Variants in C7orf78 observed in about 807,000 individuals in gnomAD.
C7orf78 encodes the protein chromosome 7 open reading frame 78.
chr7:12,488,322 T>A, the C7orf78 span, among the ~76,000 whole-genome samples: 54 of 152,156 alleles, frequency 3.5e-4, no homozygotes, highest in Non-Finnish European at 6.3e-4. Flanking sequence ...ATTTCCTATA[T>A]CTGAGAAAGA....
chr7:12,540,331 G>A, the C7orf78 span, among the ~76,000 whole-genome samples: 13 of 152,310 alleles, frequency 8.5e-5, no homozygotes, highest in East Asian at 2.1e-3. Flanking sequence ...CCCTACTGGT[G>A]CTAATACAGA....
At chr7:12,506,809 G>A in the C7orf78 span, 1 of 388,938 alleles carries the variant, frequency 2.6e-6, no homozygotes. Flanking sequence ...GGACAGAGAT[G>A]ACTACTGCAC....
the C7orf78 span, among the ~76,000 whole-genome samples, chr7:12,537,365 C>T: frequency 6.6e-6 from 1 of 152,158 alleles, no homozygotes; most frequent in African/African-American, 2.4e-5. Context: ...GAAAAACCTG[C>T]CCCCAGAATT....
At chr7:12,484,092 G>T in the C7orf78 span, 2 of 152,094 alleles carry the variant, frequency 1.3e-5, no homozygotes, top group African/African-American at 4.8e-5. Flanking sequence ...TTGAAAATAA[G>T]CTCTGAAAAA....
At chr7:12,484,665 G>A in the C7orf78 span, among the ~76,000 whole-genome samples, 1 of 152,132 alleles carries the variant, frequency 6.6e-6, no homozygotes, top group African/African-American at 2.4e-5. Context: ...CATGCATGCT[G>A]TCATGGCATG....
chr7:12,534,707 C>T, the C7orf78 span, among the ~76,000 whole-genome samples: 1 of 152,268 alleles, frequency 6.6e-6, no homozygotes, highest in African/African-American at 2.4e-5. Context: ...ATAATTCCAA[C>T]ACTGGTAAGC....
the C7orf78 span, among the ~76,000 whole-genome samples, chr7:12,488,333 G>C: frequency 6.6e-6 from 1 of 151,978 alleles, no homozygotes; most frequent in South Asian, 2.1e-4. Context: ...CTGAGAAAGA[G>C]CTCTTCATTA....
At chr7:12,514,645 A>G in the C7orf78 span, among the ~76,000 whole-genome samples, 1 of 151,878 alleles carries the variant, frequency 6.6e-6, no homozygotes, top group East Asian at 1.9e-4. Context: ...TTATTTGCCC[A>G]TAGGGTCTTG....
the C7orf78 span, among the ~76,000 whole-genome samples, chr7:12,504,036 A>T: frequency 6.6e-6 from 1 of 152,214 alleles, no homozygotes; most frequent in Non-Finnish European, 1.5e-5. Flanking sequence ...TGTTTTAAAA[A>T]ATGTCCTTTG....
chr7:12,486,765 G>A, the C7orf78 span, among the ~76,000 whole-genome samples: 1 of 151,870 alleles, frequency 6.6e-6, no homozygotes, highest in South Asian at 2.1e-4. Flanking sequence ...ATTATGTTCT[G>A]CATATCGGAT....
the C7orf78 span, among the ~76,000 whole-genome samples, chr7:12,516,254 G>A: frequency 6.6e-6 from 1 of 152,342 alleles, no homozygotes; most frequent in African/African-American, 2.4e-5. Flanking sequence ...CTTGGGCAAT[G>A]GCTTCAGAGG....
chr7:12,509,011 A>C, the C7orf78 span, among the ~76,000 whole-genome samples: 1 of 152,210 alleles, frequency 6.6e-6, no homozygotes, highest in Non-Finnish European at 1.5e-5. Flanking sequence ...AATAAAGTGC[A>C]CAGTAAGTGT....
the C7orf78 span, among the ~76,000 whole-genome samples, chr7:12,500,989 A>G: frequency 2.0e-5 from 3 of 151,840 alleles, no homozygotes; most frequent in Admixed American, 2.0e-4. Flanking sequence ...CCACATGGTT[A>G]TCTCAATAGA....
the C7orf78 span, among the ~76,000 whole-genome samples, chr7:12,526,916 G>T: frequency 6.6e-6 from 1 of 152,188 alleles, no homozygotes; most frequent in South Asian, 2.1e-4. Context: ...CCGTCTAGCT[G>T]TGTAACTGAA....
chr7:12,534,335 A>G, the C7orf78 span, among the ~76,000 whole-genome samples: 12 of 152,234 alleles, frequency 7.9e-5, no homozygotes, highest in Admixed American at 7.9e-4. Flanking sequence ...TCTATTTCAC[A>G]TCGTGCATAA....
At chr7:12,531,547 C>G in the C7orf78 span, among the ~76,000 whole-genome samples, 1 of 152,092 alleles carries the variant, frequency 6.6e-6, no homozygotes, top group Non-Finnish European at 1.5e-5. Flanking sequence ...ATGATATATA[C>G]AAACTGCTGG....
At chr7:12,505,395 A>G in the C7orf78 span, among the ~76,000 whole-genome samples, 1 of 152,148 alleles carries the variant, frequency 6.6e-6, no homozygotes, top group African/African-American at 2.4e-5. Flanking sequence ...TTAGGAGTTG[A>G]CATAAATAAA....
the C7orf78 span, among the ~76,000 whole-genome samples, chr7:12,529,812 C>G: frequency 6.6e-6 from 1 of 152,212 alleles, no homozygotes; most frequent in African/African-American, 2.4e-5. Flanking sequence ...TGGTGTTAGA[C>G]GGCATCTTTT....
chr7:12,517,201 A>G, the C7orf78 span, among the ~76,000 whole-genome samples: 1 of 152,078 alleles, frequency 6.6e-6, no homozygotes, highest in African/African-American at 2.4e-5. Flanking sequence ...GTGGTAGTGA[A>G]TAAGTCTCAC....
Sources: gnomAD v4.1 joint callset for allele counts (sites outside exome capture counted in the v4.1 genomes callset) on GRCh38, gnomAD v4.1.1 for gene constraint, MANE v1.5 for transcripts, NCBI Gene and HGNC (gene_info 2026-07-23, HGNC 2026-07-21) for gene names.